Variants in KCNH5 observed in about 807,000 individuals in gnomAD.
KCNH5 encodes the protein voltage-gated delayed rectifier potassium channel KCNH5.
A neutral mutation model predicts 96.1 loss-of-function variants in KCNH5; 46 were observed. That is an observed-to-expected ratio of 0.48 (90% confidence interval 0.38 to 0.61). The LOEUF is 0.61. Ranked by LOEUF, KCNH5 falls within the 20% of genes least tolerant of loss-of-function variation. The pLI is 0.00. For missense variants in KCNH5, 907 were observed against 1,225.8 expected (o/e 0.74, Z 3.88); for synonymous variants, 439 against 449.8 (o/e 0.98, Z 0.30).
At chr14:62,721,487 T>A (rs77493550) in intron 10 of KCNH5, among the ~76,000 whole-genome samples, 1,800 of 91,966 alleles carry the variant, frequency 0.02, 15 homozygotes, top group South Asian at 0.03. Flanking sequence ...TCTCTCTCTC[T>A]CTCACTCACT....
intron 8 of KCNH5, among the ~76,000 whole-genome samples, chr14:62,835,821 GT>G (rs1190793671): frequency 1.3e-5 from 2 of 151,330 alleles, no homozygotes; most frequent in Admixed American, 1.3e-4. Context: ...GCTTGTTTTG[GT>G]TTTTTTTGTT....
At chr14:62,729,161 T>C (rs1051602402) in intron 10 of KCNH5, among the ~76,000 whole-genome samples, 19 of 152,194 alleles carry the variant, frequency 1.2e-4, no homozygotes, top group African/African-American at 4.1e-4. Flanking sequence ...AGTCACCTTA[T>C]CTGGATCTTC....
At chr14:62,898,624 A>G (rs79469699) in intron 7 of KCNH5, among the ~76,000 whole-genome samples, 3,694 of 152,254 alleles carry the variant, frequency 0.024, 71 homozygotes, top group East Asian at 0.082. Flanking sequence ...GATTCAAAAG[A>G]GTATAAGAAC....
At chr14:62,783,444 G>T (rs1886259823) in intron 9 of KCNH5, among the ~76,000 whole-genome samples, 1 of 151,954 alleles carries the variant, frequency 6.6e-6, no homozygotes, top group Non-Finnish European at 1.5e-5. Flanking sequence ...TTCCATACTG[G>T]ATTTTTCCTT....
intron 9 of KCNH5, among the ~76,000 whole-genome samples, chr14:62,788,866 G>A (rs895884468): frequency 2.0e-5 from 3 of 152,064 alleles, no homozygotes; most frequent in African/African-American, 7.2e-5. Context: ...TAAGTATAAT[G>A]TGAACATAAC....
chr14:62,935,348 C>T (rs1224716087), intron 7 of KCNH5, among the ~76,000 whole-genome samples: 1 of 152,142 alleles, frequency 6.6e-6, no homozygotes, highest in Non-Finnish European at 1.5e-5. Flanking sequence ...AAGACAAGTT[C>T]CCTGCCTTTG....
chr14:62,975,741 A>G (rs897288267), intron 6 of KCNH5, among the ~76,000 whole-genome samples: 2 of 152,126 alleles, frequency 1.3e-5, no homozygotes, highest in Non-Finnish European at 2.9e-5. Flanking sequence ...AACCTGGAAA[A>G]ACAAAAGGAA....
At chr14:62,764,714 T>C (rs975705920) in intron 10 of KCNH5, among the ~76,000 whole-genome samples, 1 of 152,216 alleles carries the variant, frequency 6.6e-6, no homozygotes. Flanking sequence ...AGCATTTCTA[T>C]ATACCAACAA....
chr14:62,778,318 A>G (rs2139973946), intron 10 of KCNH5, among the ~76,000 whole-genome samples: 1 of 148,060 alleles, frequency 6.8e-6, no homozygotes, highest in Non-Finnish European at 1.5e-5. Context: ...TAACACAAAT[A>G]CTGTATTTTT....
intron 10 of KCNH5, among the ~76,000 whole-genome samples, chr14:62,733,996 A>G (rs558138253): frequency 2.0e-5 from 3 of 152,276 alleles, no homozygotes; most frequent in African/African-American, 7.2e-5. Flanking sequence ...CCATCTATAT[A>G]TTCTACTGGC....
At chr14:63,032,109 A>C (rs544509516) in intron 1 of KCNH5, among the ~76,000 whole-genome samples, 2 of 152,162 alleles carry the variant, frequency 1.3e-5, no homozygotes, top group South Asian at 2.1e-4. Context: ...CACAAAAAAA[A>C]AAAAAAAACT....
intron 7 of KCNH5, among the ~76,000 whole-genome samples, chr14:62,860,691 A>T (rs995029575): frequency 3.3e-5 from 5 of 151,816 alleles, no homozygotes; most frequent in African/African-American, 1.2e-4. Flanking sequence ...TGCTACCATC[A>T]CTCTAAGCCC....
At chr14:62,776,033 C>A (rs1057128034) in intron 10 of KCNH5, among the ~76,000 whole-genome samples, 1 of 151,988 alleles carries the variant, frequency 6.6e-6, no homozygotes, top group Non-Finnish European at 1.5e-5. Flanking sequence ...CTTTGGGAGG[C>A]TGAGGTGGGT....
chr14:62,762,352 C>A (rs1405267208), intron 10 of KCNH5, among the ~76,000 whole-genome samples: 3 of 152,142 alleles, frequency 2.0e-5, no homozygotes, highest in Non-Finnish European at 4.4e-5. Context: ...TGCAGCACAG[C>A]CTTGAATGCC....
chr14:62,739,427 C>T (rs768034538), intron 10 of KCNH5, among the ~76,000 whole-genome samples: 8 of 151,790 alleles, frequency 5.3e-5, no homozygotes, highest in Middle Eastern at 3.4e-3. Context: ...AAAATGACTA[C>T]GCTATTTATG....
intron 8 of KCNH5, among the ~76,000 whole-genome samples, chr14:62,803,871 A>C (rs1280842602): frequency 1.3e-5 from 2 of 152,272 alleles, no homozygotes; most frequent in Middle Eastern, 3.4e-3. Context: ...ATTTTCTTTG[A>C]TCGGATTTCA....
intron 10 of KCNH5, among the ~76,000 whole-genome samples, chr14:62,733,339 G>A (rs1453901563): frequency 6.6e-6 from 1 of 152,026 alleles, no homozygotes; most frequent in African/African-American, 2.4e-5. Flanking sequence ...GAAGAGACAC[G>A]AGAGAGATTG....
chr14:62,967,356 A>G (rs1890324078), intron 6 of KCNH5, among the ~76,000 whole-genome samples: 1 of 151,976 alleles, frequency 6.6e-6, no homozygotes, highest in African/African-American at 2.4e-5. Context: ...TGCTGAGATT[A>G]CAGGCATTAG....
At chr14:62,987,336 T>C in intron 4 of KCNH5, 149 bp from the exon 5 acceptor site, 1 of 627,264 alleles carries the variant, frequency 1.6e-6, no homozygotes, top group Admixed American at 2.7e-5. Context: ...TCCTTCTGTA[T>C]AGACATGCTC....
Sources: gnomAD v4.1 joint callset for allele counts (sites outside exome capture counted in the v4.1 genomes callset) on GRCh38, gnomAD v4.1.1 for gene constraint, MANE v1.5 for transcripts, NCBI Gene and HGNC (gene_info 2026-07-23, HGNC 2026-07-21) for gene names.